The following SNX29 variants were observed in gnomAD, a reference collection of about 807,000 sequenced individuals.
The protein encoded by SNX29 is sorting nexin-29.
Under a neutral mutation model 102.1 loss-of-function variants are expected in SNX29, and 78 were observed. The ratio of observed to expected loss-of-function variants is 0.76; its 90% confidence interval spans 0.64 to 0.92. The LOEUF (loss-of-function observed/expected upper bound fraction) is 0.92, where lower values mean the gene tolerates loss of function less well. SNX29 is among the 40% of genes least tolerant of loss of function. The pLI is 0.00. For missense variants in SNX29, 1,280 were observed against 1,061.7 expected (o/e 1.21, Z -2.86); for synonymous variants, 580 against 414.5 (o/e 1.40, Z -4.85).
In SNX29 at chr16:12,573,453, A is replaced by C; in HGVS notation, c.*4824A>C. On this transcript the variant is annotated 3_prime_UTR_variant, in exon 21 of 21. Coordinates refer to ENST00000566228, the MANE Select transcript of SNX29 (RefSeq NM_032167.5). ...CCTTAATAAGATAGTTGAGCCTATG[A>C]CATTAAGGAGCAGCGCTGCTGGCGG... 4.5e-6 allele frequency: 1 copy of C among 224,416 alleles called. No homozygotes were observed. The highest frequency in any genetic ancestry group is 8.9e-6 in the Non-Finnish European group (1 of 112,616). The allele number at this position is 224,416 out of a possible 1,614,324, so 13.9% of individuals were successfully genotyped here.
intron 13 of SNX29, among the ~76,000 whole-genome samples, chr16:12,139,784 C>G (rs1191750144): frequency 6.6e-6 from 1 of 151,898 alleles, no homozygotes; most frequent in Non-Finnish European, 1.5e-5. Context: ...CCCAGGAGAC[C>G]AGCCTGGGCA....
At chr16:12,555,403 C>A (rs1386132332) in intron 20 of SNX29, among the ~76,000 whole-genome samples, 1 of 150,100 alleles carries the variant, frequency 6.7e-6, no homozygotes, top group Non-Finnish European at 1.5e-5. Context: ...GTCTGCTGGG[C>A]TGCTGGCCCC....
At chr16:12,319,200 T>G (rs2080849458) in intron 15 of SNX29, among the ~76,000 whole-genome samples, 1 of 152,166 alleles carries the variant, frequency 6.6e-6, no homozygotes, top group Admixed American at 6.5e-5. Flanking sequence ...ACTTAACCAC[T>G]CAGTCAGTGC....
intron 16 of SNX29, among the ~76,000 whole-genome samples, chr16:12,391,718 C>G (rs1181721520): frequency 1.3e-5 from 2 of 152,074 alleles, no homozygotes; most frequent in African/African-American, 4.8e-5. Flanking sequence ...ATGTTTCTCC[C>G]AAAATACTTC....
chr16:12,353,422 C>T (rs891624955), intron 15 of SNX29, among the ~76,000 whole-genome samples: 9 of 140,296 alleles, frequency 6.4e-5, no homozygotes, highest in South Asian at 2.1e-4. Context: ...CTGCTAAGTG[C>T]GGCATCTCTT....
intron 13 of SNX29, among the ~76,000 whole-genome samples, chr16:12,132,983 C>G (rs1053043249): frequency 9.8e-5 from 15 of 152,346 alleles, no homozygotes; most frequent in Non-Finnish European, 1.8e-4. Flanking sequence ...TGTTGGCTGA[C>G]AGTGGCTTGC....
chr16:12,077,577 T>TG (rs1314320303), intron 10 of SNX29, among the ~76,000 whole-genome samples: 1 of 152,178 alleles, frequency 6.6e-6, no homozygotes, highest in Admixed American at 6.6e-5. Flanking sequence ...ACTGAACCAG[T>TG]GCTCCTAGGG....
intron 11 of SNX29, among the ~76,000 whole-genome samples, chr16:12,115,494 T>TGTGTGTGC (rs2053661132): frequency 6.6e-6 from 1 of 150,704 alleles, no homozygotes; most frequent in Non-Finnish European, 1.5e-5. Context: ...TTTGTGTGTG[T>TGTGTGTGC]GTGTGTGTGT....
intron 20 of SNX29, among the ~76,000 whole-genome samples, chr16:12,553,080 C>G (rs756430722): frequency 5.3e-5 from 8 of 152,212 alleles, no homozygotes; most frequent in Non-Finnish European, 8.8e-5. Context: ...CACTCACCTG[C>G]ATATAGTTCA....
chr16:12,287,056 C>T lies in SNX29; in HGVS notation c.1782+9020C>T, dbSNP rs539470733. 8.1e-4 allele frequency among the ~76,000 whole-genome samples: 124 copies of T among 152,322 alleles called. 1 individual carries two copies. Among genetic ancestry groups the T allele is most frequent in the African/African-American group, 2.8e-3 (115 of 41,566 alleles). On this transcript the variant is annotated intron_variant, in intron 15 of 20. Transcript: ENST00000566228. ...CTGGCTCACTCTTTCTCCTTCCCAG[C>T]TTCCCGAACAAGGAACTGGAGCATC... is the stretch of plus-strand genomic sequence containing the variant.
At chr16:12,437,020 C>T (rs1336929263) in intron 18 of SNX29, among the ~76,000 whole-genome samples, 1 of 152,204 alleles carries the variant, frequency 6.6e-6, no homozygotes, top group Non-Finnish European at 1.5e-5. Flanking sequence ...GGCCTGACAT[C>T]TCTGAATACA....
At chr16:12,136,570 C>T (rs111326859) in intron 13 of SNX29, among the ~76,000 whole-genome samples, 2,143 of 152,336 alleles carry the variant, frequency 0.014, 33 homozygotes, top group South Asian at 0.093. Context: ...CACCAGTGCA[C>T]TCTCCATCTT....
At chr16:12,415,247 G>A (rs1048888136) in intron 18 of SNX29, among the ~76,000 whole-genome samples, 1 of 152,236 alleles carries the variant, frequency 6.6e-6, no homozygotes, top group African/African-American at 2.4e-5. Context: ...TATAAGCGCT[G>A]TACAAGCGCC....
intron 20 of SNX29, among the ~76,000 whole-genome samples, chr16:12,528,070 C>G (rs906900073): frequency 2.0e-5 from 3 of 152,020 alleles, no homozygotes; most frequent in Admixed American, 1.3e-4. Flanking sequence ...CGTTATTCCC[C>G]CACCTTGGCC....
rs1284301181 is a variant in SNX29 at position 12,411,984 on chromosome 16, G to A, written c.2037+8455G>A. ...CCCGTGTTCAAAAAAACTGTATGGAGCATCTCCTTCACCAAGGGCTTTACA... is the reference window on the plus strand; with the variant it reads ...CCCGTGTTCAAAAAAACTGTATGGAACATCTCCTTCACCAAGGGCTTTACA... On this transcript the variant is annotated intron_variant, in intron 18 of 20. Coordinates refer to ENST00000566228, the MANE Select transcript of SNX29 (RefSeq NM_032167.5). Among the ~76,000 whole-genome samples, 4 of 152,282 alleles carry A rather than the reference G, an allele frequency of 2.6e-5. No individual in the cohort carries two copies. In the South Asian group the frequency reaches 8.3e-4, roughly 32 times the overall value.
At chr16:12,371,736 C>A (rs1206833233) in intron 16 of SNX29, among the ~76,000 whole-genome samples, 1 of 152,246 alleles carries the variant, frequency 6.6e-6, no homozygotes, top group African/African-American at 2.4e-5. Context: ...GCAAAGCTTG[C>A]AGCCAACTCT....
In SNX29 at chr16:12,043,021, C is replaced by T. The variant is rs376607001; in HGVS notation, c.372C>T (p.Asn124=). 4.8e-5 allele frequency: 78 copies of T among 1,613,502 alleles called. No individual in the cohort carries two copies. The highest frequency in any genetic ancestry group is 6.7e-5 in the African/African-American group (5 of 74,928). Residue 124 remains asparagine (N), a synonymous_variant, in exon 5 of 21, where the codon AAC becomes AAT. Coordinates refer to ENST00000566228, the MANE Select transcript of SNX29 (RefSeq NM_032167.5). ...GCGCCTGGCTGCGCTGTGCCCTCAACGAACACTCCCTGGAGCGCTACCTGC... is the reference window on the plus strand; with the variant it reads ...GCGCCTGGCTGCGCTGTGCCCTCAATGAACACTCCCTGGAGCGCTACCTGC... ...RGRAWLRCAL[N]EHSLERYLHM...
chr16:12,387,428 A>G (rs1246239954), intron 16 of SNX29, among the ~76,000 whole-genome samples: 1 of 151,510 alleles, frequency 6.6e-6, no homozygotes, highest in East Asian at 2.0e-4. Context: ...AGTGGAGAAC[A>G]GGTTCCCATC....
chr16:12,107,455 T>A (rs528403338), intron 11 of SNX29, among the ~76,000 whole-genome samples: 8 of 151,262 alleles, frequency 5.3e-5, no homozygotes, highest in African/African-American at 1.9e-4. Flanking sequence ...TCACCTGAGG[T>A]CAGGAGTTCA....
Sources: allele counts gnomAD v4.1 joint callset (sites outside exome capture counted in the v4.1 genomes callset), GRCh38; gene constraint gnomAD v4.1.1; transcripts MANE v1.5; gene names NCBI Gene and HGNC (gene_info 2026-07-23, HGNC 2026-07-21).